Variants in TRPM8 observed in about 807,000 individuals in gnomAD.
TRPM8 encodes transient receptor potential cation channel subfamily M member 8.
In TRPM8, 110 loss-of-function variants were observed where a neutral mutation model predicts 133.7. The ratio of observed to expected loss-of-function variants is 0.82; its 90% confidence interval spans 0.70 to 0.96. The LOEUF is 0.96. Among genes scored for constraint, TRPM8 ranks in the 40% least tolerant of loss-of-function variants. The pLI, the probability that TRPM8 is intolerant of heterozygous loss-of-function variation, is 0.00. For missense variants in TRPM8, 1,291 were observed against 1,379.5 expected (o/e 0.94, Z 1.02); for synonymous variants, 535 against 532.3 (o/e 1.01, Z -0.07).
intron 21 of TRPM8, among the ~76,000 whole-genome samples, chr2:233,986,686 G>A (rs920633240): frequency 6.6e-6 from 1 of 152,112 alleles, no homozygotes; most frequent in East Asian, 1.9e-4. Context: ...ATATAAAACA[G>A]TTTTATATAA....
intron 6 of TRPM8, among the ~76,000 whole-genome samples, chr2:233,943,661 A>C (rs1690972330): frequency 6.6e-6 from 1 of 152,192 alleles, no homozygotes; most frequent in Admixed American, 6.5e-5. Context: ...ACATTTTTAG[A>C]GAGTAATGAG....
At position 233,961,057 on chromosome 2, in the gene TRPM8, A is replaced by G. The variant is rs1421196555; in HGVS notation, c.1644A>G (p.Ile548Met). The stretch of plus-strand genomic sequence containing the variant: ...GAAATGGCCGGGACGAGATGGACAT[A>G]GAACTCCACGTAGGTACTGGGAGAG... ...EDRNGRDEMD[I>M]ELHDVSPITR... Residue 548 changes from isoleucine (I) to methionine (M), a missense_variant, in exon 12 of 26, where the codon ATA becomes ATG. Coordinates refer to ENST00000324695, the MANE Select transcript of TRPM8 (RefSeq NM_024080.5). 2 of 1,613,682 alleles carry G rather than the reference A, an allele frequency of 1.2e-6. No individual in the cohort carries two copies. The highest frequency in any genetic ancestry group is 2.7e-5 in the African/African-American group (2 of 74,918).
intron 6 of TRPM8, 84 bp from the exon 7 acceptor site, chr2:233,945,772 G>A: frequency 1.5e-6 from 2 of 1,292,046 alleles, no homozygotes; most frequent in Non-Finnish European, 2.2e-6. Flanking sequence ...CAAAGTATTA[G>A]CTTTCATATG....
chr2:233,954,370 C>T (rs540736007), intron 10 of TRPM8, among the ~76,000 whole-genome samples: 16 of 152,330 alleles, frequency 1.1e-4, no homozygotes, highest in Admixed American at 3.3e-4. Context: ...TAGCATTCTA[C>T]ATATTTGTAC....
intron 3 of TRPM8, among the ~76,000 whole-genome samples, chr2:233,935,947 T>C (rs1690724741): frequency 6.6e-6 from 1 of 152,186 alleles, no homozygotes; most frequent in African/African-American, 2.4e-5. Flanking sequence ...TTTTAGATTT[T>C]TTTTAACTGC....
chr2:233,979,895 G>A (rs1221138066), intron 17 of TRPM8, among the ~76,000 whole-genome samples: 2 of 152,110 alleles, frequency 1.3e-5, no homozygotes, highest in African/African-American at 4.8e-5. Context: ...CCTACGGAGG[G>A]TGTACTCACC....
intron 17 of TRPM8, among the ~76,000 whole-genome samples, chr2:233,971,788 G>C (rs1030511978): frequency 2.0e-5 from 3 of 152,146 alleles, no homozygotes; most frequent in African/African-American, 7.2e-5. Context: ...AGAATGAGCA[G>C]TAGCAAGATT....
chr2:233,954,062 C>T (rs201011554), intron 10 of TRPM8, 43 bp downstream of exon 10: 14 of 1,372,918 alleles, frequency 1.0e-5, no homozygotes, highest in South Asian at 4.0e-5. Flanking sequence ...CTTTGTGTTG[C>T]CTTCTGTGGC....
At chr2:233,977,181 C>T (rs1691891981) in intron 17 of TRPM8, among the ~76,000 whole-genome samples, 1 of 152,070 alleles carries the variant, frequency 6.6e-6, no homozygotes, top group Non-Finnish European at 1.5e-5. Context: ...CTAAATAATC[C>T]TTGGGTCTGT....
chr2:233,964,479 G>A (rs28953468), intron 13 of TRPM8, 149 bp from the exon 14 acceptor site: 132,418 of 530,808 alleles, frequency 0.25, 29,327 homozygotes, highest in African/African-American at 0.83. Flanking sequence ...TTGAACCCGG[G>A]AGGTGGAGGT....
intron 2 of TRPM8, among the ~76,000 whole-genome samples, chr2:233,927,877 T>C (rs1382099804): frequency 6.2e-5 from 4 of 64,800 alleles, no homozygotes; most frequent in African/African-American, 3.7e-4. Context: ...TTTCTTTCTT[T>C]CTTTCTTTCT....
chr2:234,006,988 C>T, intron 23 of TRPM8, 36 bp downstream of exon 23: 3 of 1,511,098 alleles, frequency 2.0e-6, no homozygotes, highest in Admixed American at 1.7e-5. Flanking sequence ...TGCAAGGCTC[C>T]CTCTGTAGAC....
chr2:234,008,013 C>G, intron 23 of TRPM8, 57 bp from the exon 24 acceptor site: 10 of 1,510,900 alleles, frequency 6.6e-6, no homozygotes, highest in Non-Finnish European at 7.3e-6. Flanking sequence ...AGCCTAATAG[C>G]CCTCTCTCAA....
chr2:233,957,140 G>C (rs1276544986), intron 11 of TRPM8, among the ~76,000 whole-genome samples: 2 of 152,150 alleles, frequency 1.3e-5, no homozygotes, highest in African/African-American at 4.8e-5. Context: ...AGAGCCAACT[G>C]CTAAATTTTT....
chr2:233,979,544 G>T (rs1020836613), intron 17 of TRPM8, among the ~76,000 whole-genome samples: 1 of 150,288 alleles, frequency 6.7e-6, no homozygotes, highest in Non-Finnish European at 1.5e-5. Context: ...GGGAAAATGC[G>T]AAAAGAGAAA....
At chr2:233,918,433 C>T (rs2125017387) in intron 1 of TRPM8, among the ~76,000 whole-genome samples, 1 of 151,900 alleles carries the variant, frequency 6.6e-6, no homozygotes, top group South Asian at 2.1e-4. Flanking sequence ...TGATATCATT[C>T]TTGGCACCTG....
At chr2:233,999,929 C>G (rs894013411) in intron 22 of TRPM8, among the ~76,000 whole-genome samples, 1 of 152,156 alleles carries the variant, frequency 6.6e-6, no homozygotes, top group African/African-American at 2.4e-5. Context: ...GAAAGAGCCT[C>G]TTTAGCATAC....
At chr2:233,975,652 G>A (rs11679873) in intron 17 of TRPM8, among the ~76,000 whole-genome samples, 8,129 of 152,304 alleles carry the variant, frequency 0.053, 318 homozygotes, top group East Asian at 0.18. Context: ...AGGCCAAGGC[G>A]GGCGGATCAC....
intron 17 of TRPM8, among the ~76,000 whole-genome samples, chr2:233,975,219 G>A (rs572558754): frequency 3.3e-5 from 5 of 152,262 alleles, no homozygotes; most frequent in Admixed American, 2.6e-4. Context: ...GCACCGACAC[G>A]TTTCTGACAA....
Sources: allele counts gnomAD v4.1 joint callset (sites outside exome capture counted in the v4.1 genomes callset), GRCh38; gene constraint gnomAD v4.1.1; transcripts MANE v1.5; gene names NCBI Gene and HGNC (gene_info 2026-07-23, HGNC 2026-07-21).